PCNT: variants seen among roughly 807,000 people sequenced by gnomAD.
PCNT encodes the protein pericentrin.
In PCNT, 319 loss-of-function variants were observed where a neutral mutation model predicts 380.4. That is an observed-to-expected ratio of 0.84 (90% confidence interval 0.77 to 0.92). The LOEUF is 0.92. PCNT is among the 40% of genes least tolerant of loss of function. The probability of loss-of-function intolerance (pLI) is 0.00; values close to 1 mark genes in which losing one functional copy is unlikely to be tolerated. For missense variants in PCNT, 4,400 were observed against 4,255.3 expected (o/e 1.03, Z -0.95); for synonymous variants, 1,845 against 1,735.2 (o/e 1.06, Z -1.57).
chr21:46,434,444 G>A (rs949813163), intron 38 of PCNT, among the ~76,000 whole-genome samples: 9 of 152,212 alleles, frequency 5.9e-5, no homozygotes, highest in African/African-American at 1.9e-4. Flanking sequence ...ACGGCAAGCC[G>A]CCTCTGTGTG....
chr21:46,401,560 G>A lies in PCNT; in HGVS notation c.4801G>A (p.Val1601Met), dbSNP rs2086427849. The A allele has an allele frequency of 3.7e-6, 6 of 1,613,082 alleles. No homozygotes were observed. The highest frequency in any genetic ancestry group is 4.2e-6 in the Non-Finnish European group (5 of 1,179,074). ...IVKGLEQDKE[V>M]LKKQQMSSLL... ...CTTTTTTTTTTAATAGGATAAAGAGGTGTTAAAGAAACAGCAGATGAGTAG... is the reference window on the plus strand; with the variant it reads ...CTTTTTTTTTTAATAGGATAAAGAGATGTTAAAGAAACAGCAGATGAGTAG... The change falls in exon 26 of 47, where the codon GTG becomes ATG. Residue 1601 changes from valine to methionine, a missense_variant. Physicochemically the swap from Val to Met is conservative, Grantham distance 21. Transcript: ENST00000359568.
intron 38 of PCNT, 116 bp from the exon 39 acceptor site, chr21:46,435,788 C>T (rs774191918): frequency 4.8e-5 from 56 of 1,154,732 alleles, no homozygotes; most frequent in East Asian, 7.2e-5. Flanking sequence ...ATGATCTGCC[C>T]GCCTCGGCCT....
At chr21:46,373,794 A>G (rs1601878102) in intron 15 of PCNT, among the ~76,000 whole-genome samples, 1 of 124,646 alleles carries the variant, frequency 8.0e-6, no homozygotes. Context: ...CAGTGGCATG[A>G]TCTTGGCTCA....
intron 43 of PCNT, 111 bp from the exon 44 acceptor site, chr21:46,442,386 A>G (rs563363767): frequency 1.8e-5 from 13 of 732,226 alleles, no homozygotes; most frequent in African/African-American, 1.0e-4. Flanking sequence ...CCTGGTCCCC[A>G]TGGGCAGCGA....
chr21:46,373,431 C>CTTTTT (rs35866515), intron 15 of PCNT, among the ~76,000 whole-genome samples: 1 of 116,652 alleles, frequency 8.6e-6, no homozygotes, highest in Admixed American at 9.1e-5. Context: ...TGTCAATACT[C>CTTTTT]TTTTTTTTTT....
Position 46,381,698 on chromosome 21 carries a change from A to T in PCNT, c.3170A>T (p.Glu1057Val). 6.2e-7 allele frequency: 1 copy of T among 1,613,596 alleles called. No individual in the cohort carries two copies. The highest frequency in any genetic ancestry group is 8.5e-7 in the Non-Finnish European group (1 of 1,179,510). Residue 1057 changes from glutamate (E) to valine (V), a missense_variant, in exon 16 of 47, where the codon GAA (glutamate) becomes GTA (valine). By Grantham distance (121) the Glu-to-Val change is moderately radical. Transcript: ENST00000359568. The stretch of plus-strand genomic sequence containing the variant: ...TATTGTTATTGATGTGTACAGGGTG[A>T]ATTTGGAAGTGAAAAGAAAACTGCT... ...AHELQGVHQG[E>V]FGSEKKTALH...
In PCNT at chr21:46,389,234, C is replaced by G; in HGVS notation, c.3643C>G (p.Leu1215Val). 6.2e-7 allele frequency: 1 copy of G among 1,614,210 alleles called. No individual in the cohort carries two copies. The highest frequency in any genetic ancestry group is 8.5e-7 in the Non-Finnish European group (1 of 1,180,024). Reference sequence around the variant, plus strand: ...GGAGGAGACATGGTCTGATGTGGCCCTCCCGGAGTTGGACAGAACTTTGTC... The same window carrying G: ...GGAGGAGACATGGTCTGATGTGGCCGTCCCGGAGTTGGACAGAACTTTGTC... ...ALEETWSDVA[L>V]PELDRTLSEC... The change falls in exon 19 of 47, where the codon CTC becomes GTC. Residue 1215 changes from leucine (L) to valine (V), a missense_variant. By Grantham distance (32) the Leu-to-Val change is conservative. Coordinates refer to ENST00000359568, the MANE Select transcript of PCNT (RefSeq NM_006031.6).
At chr21:46,335,134 C>T (rs1453203451) in intron 3 of PCNT, among the ~76,000 whole-genome samples, 1 of 152,136 alleles carries the variant, frequency 6.6e-6, no homozygotes, top group Non-Finnish European at 1.5e-5. Context: ...TCGATTGACT[C>T]ACCTGTCTGT....
At chr21:46,359,893 A>G (rs900640617) in intron 13 of PCNT, among the ~76,000 whole-genome samples, 14 of 142,172 alleles carry the variant, frequency 9.8e-5, no homozygotes, top group African/African-American at 1.8e-4. Context: ...GAGACAGGCT[A>G]TTGCCCAGGC....
intron 3 of PCNT, among the ~76,000 whole-genome samples, chr21:46,335,113 A>G (rs757232791): frequency 6.6e-6 from 1 of 152,112 alleles, no homozygotes; most frequent in African/African-American, 2.4e-5. Context: ...CCTTTATTCT[A>G]GTTGCCCTTG....
chr21:46,359,480 G>GTTGTTTTTTTTTTTTT lies in PCNT; in HGVS notation c.2154+2291_2154+2292insGTTTTTTTTTTTTTTT, dbSNP rs2084609442. On this transcript the variant is annotated intron_variant, in intron 13 of 46. Transcript: ENST00000359568. ...TAGTATTCTGTCCAAAAATACACCT[G>GTTGTTTTTTTTTTTTT]TTTTTTTTTTGTTTTTTTTTTTTTT... Among the ~76,000 whole-genome samples the GTTGTTTTTTTTTTTTT allele has an allele frequency of 1.1e-4, 7 of 65,732 alleles. 1 individual carries two copies. The highest frequency in any genetic ancestry group is 2.0e-4 in the Non-Finnish European group (6 of 29,608). The allele number at this position is 65,732 out of a possible 152,430, so 43.1% of individuals were successfully genotyped here. A position where few individuals can be genotyped will look rare whatever the true frequency, so the allele number is the denominator to read the frequency against.
intron 24 of PCNT, among the ~76,000 whole-genome samples, chr21:46,398,591 C>T (rs931844119): frequency 1.4e-4 from 21 of 152,206 alleles, no homozygotes; most frequent in East Asian, 3.9e-4. Context: ...CACGGACCCT[C>T]GTGTACTGGG....
Position 46,326,500 on chromosome 21 carries a change from G to C in PCNT, c.178G>C (p.Asp60His). 8.1e-6 allele frequency: 13 copies of C among 1,614,208 alleles called. No individual in the cohort carries two copies. The highest frequency in any genetic ancestry group is 1.1e-5 in the Non-Finnish European group (13 of 1,180,036). The part of the protein sequence containing the change: ...VQEESPVTKE[D>H]SALCGGGDIC... Reference sequence around the variant, plus strand: ...GGAGGAGAGTCCGGTAACCAAGGAGGACAGCGCACTCTGTGGAGGAGGGGA... The same window carrying C: ...GGAGGAGAGTCCGGTAACCAAGGAGCACAGCGCACTCTGTGGAGGAGGGGA... Residue 60 changes from aspartate to histidine, a missense_variant, in exon 2 of 47, where the codon GAC becomes CAC. Transcript: ENST00000359568.
chr21:46,409,967 G>A (rs1036200081), intron 27 of PCNT, among the ~76,000 whole-genome samples: 2 of 152,208 alleles, frequency 1.3e-5, no homozygotes, highest in Non-Finnish European at 2.9e-5. Context: ...GTATTTTAAC[G>A]TGATATATGC....
rs186667550 is a variant in PCNT at position 46,445,571 on chromosome 21, C to T, written c.*244C>T. 36 of 560,874 alleles carry T rather than the reference C, an allele frequency of 6.4e-5. 2 individuals carry two copies. The highest frequency in any genetic ancestry group is 5.3e-4 in the African/African-American group (28 of 53,154). The allele number at this position is 560,874 out of a possible 1,614,324, so 34.7% of individuals were successfully genotyped here. On this transcript the variant is annotated 3_prime_UTR_variant, in exon 47 of 47. Transcript: ENST00000359568. ...ACCTTCGTGAGGTGACGGGCACTCA[C>T]TCCCATGAGCCCTGGCTGTGTGCTG...
chr21:46,405,701 A>G (rs1394664808), intron 27 of PCNT, among the ~76,000 whole-genome samples: 1 of 152,374 alleles, frequency 6.6e-6, no homozygotes, highest in African/African-American at 2.4e-5. Flanking sequence ...TCTCAAAAAA[A>G]AAAGAATGCC....
chr21:46,399,268 GGTCTGGGTCTCTGTTCAGCCTGTGA>G (rs2086325003), intron 24 of PCNT, among the ~76,000 whole-genome samples: 1 of 64,026 alleles, frequency 1.6e-5, no homozygotes, highest in Admixed American at 1.4e-4. Context: ...GCAGCCTGTG[GGTCTGGGTCTCTGTTCAGCCTGTGA>G]GTCTGGGTCT....
At chr21:46,332,254 A>G (rs1352947870) in intron 2 of PCNT, among the ~76,000 whole-genome samples, 1 of 152,246 alleles carries the variant, frequency 6.6e-6, no homozygotes, top group Non-Finnish European at 1.5e-5. Context: ...AACTAGTGCT[A>G]TAGAAGGCTT....
intron 24 of PCNT, among the ~76,000 whole-genome samples, chr21:46,398,996 T>G (rs943007277): frequency 5.3e-5 from 8 of 151,980 alleles, no homozygotes; most frequent in African/African-American, 1.7e-4. Flanking sequence ...ATTTTTTGTA[T>G]TTTTAGTAGA....
Sources: gnomAD v4.1 joint callset for allele counts (sites outside exome capture counted in the v4.1 genomes callset) on GRCh38, gnomAD v4.1.1 for gene constraint, MANE v1.5 for transcripts, NCBI Gene and HGNC (gene_info 2026-07-23, HGNC 2026-07-21) for gene names.